Variants in SGCZ observed in about 807,000 individuals in gnomAD.
The protein encoded by SGCZ is sarcoglycan zeta, also known as zeta-sarcoglycan.
In SGCZ, 40 loss-of-function variants were observed where a neutral mutation model predicts 41.3. The ratio of observed to expected loss-of-function variants is 0.97; its 90% confidence interval spans 0.75 to 1.26. The LOEUF is 1.26. Ranked by LOEUF, SGCZ falls within the 50% of genes most tolerant of loss-of-function variation. SGCZ has a pLI of 0.00. For missense variants in SGCZ, 552 were observed against 369.8 expected, an observed-to-expected ratio of 1.49 and a Z score of -4.04; for synonymous variants, 206 against 137.5, an observed-to-expected ratio of 1.50 and a Z score of -3.49.
chr8:14,852,997 C>CTATAT (rs1803390999), intron 1 of SGCZ, among the ~76,000 whole-genome samples: 1 of 152,144 alleles, frequency 6.6e-6, no homozygotes, highest in Non-Finnish European at 1.5e-5. Flanking sequence ...ATGAGGCAGC[C>CTATAT]ACACTTACCA....
chr8:15,221,715 C>T (rs1232197750), intron 1 of SGCZ, among the ~76,000 whole-genome samples: 4 of 152,056 alleles, frequency 2.6e-5, no homozygotes, highest in South Asian at 2.1e-4. Context: ...CGACTCTGCC[C>T]GAAACCTAAG....
At chr8:15,232,367 T>A (rs1801970535) in intron 1 of SGCZ, among the ~76,000 whole-genome samples, 1 of 152,144 alleles carries the variant, frequency 6.6e-6, no homozygotes, top group African/African-American at 2.4e-5. Context: ...ATTGGTAAAC[T>A]CTGGAGATCA....
intron 1 of SGCZ, among the ~76,000 whole-genome samples, chr8:15,211,544 G>A (rs1232242720): frequency 2.0e-5 from 3 of 152,062 alleles, no homozygotes; most frequent in African/African-American, 7.2e-5. Context: ...GTCTCAGATA[G>A]GAACCCCTTC....
chr8:14,659,743 A>G (rs570493676), intron 1 of SGCZ, among the ~76,000 whole-genome samples: 3 of 152,298 alleles, frequency 2.0e-5, no homozygotes, highest in Admixed American at 6.5e-5. Context: ...GCTGATATTG[A>G]TTAAATTGTC....
At chr8:14,252,276 T>C (rs756077249) in intron 3 of SGCZ, among the ~76,000 whole-genome samples, 7 of 152,154 alleles carry the variant, frequency 4.6e-5, no homozygotes, top group Non-Finnish European at 7.4e-5. Flanking sequence ...TTCATTAAAA[T>C]ATTAATTTAT....
chr8:14,657,432 T>G (rs1332166454), intron 1 of SGCZ, among the ~76,000 whole-genome samples: 1 of 152,116 alleles, frequency 6.6e-6, no homozygotes, highest in African/African-American at 2.4e-5. Context: ...ATTTTGACTT[T>G]TTAAAGTATT....
intron 1 of SGCZ, among the ~76,000 whole-genome samples, chr8:15,230,223 T>A (rs1246092244): frequency 1.3e-5 from 2 of 152,008 alleles, no homozygotes; most frequent in East Asian, 3.9e-4. Flanking sequence ...AACCACTACT[T>A]TGCAACAAGA....
intron 1 of SGCZ, among the ~76,000 whole-genome samples, chr8:14,937,622 T>C (rs1476557372): frequency 1.3e-5 from 2 of 152,116 alleles, no homozygotes; most frequent in Non-Finnish European, 2.9e-5. Context: ...GAGGAACCAA[T>C]GCAAAATCTC....
intron 1 of SGCZ, among the ~76,000 whole-genome samples, chr8:14,790,553 G>T (rs1800917564): frequency 6.6e-6 from 1 of 151,884 alleles, no homozygotes; most frequent in East Asian, 1.9e-4. Flanking sequence ...TAGAATGAAT[G>T]ATTCTATAAT....
chr8:15,101,792 T>C (rs747447354), intron 1 of SGCZ, among the ~76,000 whole-genome samples: 1 of 152,194 alleles, frequency 6.6e-6, no homozygotes, highest in African/African-American at 2.4e-5. Context: ...TAGCTGGGCA[T>C]GGTCGTGCAC....
chr8:14,403,217 C>A (rs1458589501), intron 2 of SGCZ, among the ~76,000 whole-genome samples: 1 of 150,110 alleles, frequency 6.7e-6, no homozygotes, highest in East Asian at 1.9e-4. Flanking sequence ...TCTAGATATA[C>A]AATCATGTCG....
intron 1 of SGCZ, among the ~76,000 whole-genome samples, chr8:14,810,004 C>T (rs1183254278): frequency 1.3e-5 from 2 of 151,990 alleles, no homozygotes; most frequent in African/African-American, 4.8e-5. Context: ...ACATTAAACA[C>T]TTGACATATA....
rs1252722714 is a variant in SGCZ at position 14,085,846 on chromosome 8, A to C, written c.*4597T>G. ...TTTACTACCTCATGTTATAATTATAAGCCCCCCTATTCATTTGAATAAATT... is the reference window on the plus strand; with the variant it reads ...TTTACTACCTCATGTTATAATTATACGCCCCCCTATTCATTTGAATAAATT... On this transcript the variant is annotated 3_prime_UTR_variant, in exon 8 of 8. Coordinates refer to ENST00000382080, the MANE Select transcript of SGCZ (RefSeq NM_139167.4). Among the ~76,000 whole-genome samples, 1 of 151,794 alleles carries C rather than the reference A, an allele frequency of 6.6e-6. No homozygotes were observed. Among genetic ancestry groups the C allele is most frequent in the Non-Finnish European group, 1.5e-5 (1 of 67,820 alleles).
chr8:14,751,781 C>G (rs949321443), intron 1 of SGCZ, among the ~76,000 whole-genome samples: 1 of 149,780 alleles, frequency 6.7e-6, no homozygotes, highest in African/African-American at 2.5e-5. Flanking sequence ...ATTTCCTGAC[C>G]TCGTGATCTG....
intron 1 of SGCZ, among the ~76,000 whole-genome samples, chr8:14,836,634 G>C (rs1183492965): frequency 6.6e-6 from 1 of 152,142 alleles, no homozygotes; most frequent in Non-Finnish European, 1.5e-5. Flanking sequence ...AAACAGCTGG[G>C]ATCGCAGGTG....
At chr8:14,315,335 A>G (rs1234045945) in intron 3 of SGCZ, among the ~76,000 whole-genome samples, 1 of 152,150 alleles carries the variant, frequency 6.6e-6, no homozygotes, top group African/African-American at 2.4e-5. Context: ...TTGCCTTGCT[A>G]TAGGTTACCG....
intron 1 of SGCZ, among the ~76,000 whole-genome samples, chr8:14,697,845 T>C (rs1166204845): frequency 6.6e-6 from 1 of 152,036 alleles, no homozygotes; most frequent in Admixed American, 6.6e-5. Flanking sequence ...TCTCAACATT[T>C]GTTCTTTTCA....
intron 1 of SGCZ, among the ~76,000 whole-genome samples, chr8:14,655,941 C>T (rs909961144): frequency 4.8e-4 from 73 of 152,136 alleles, no homozygotes; most frequent in African/African-American, 1.7e-3. Context: ...AGTATTGCTC[C>T]TTTTTATTGC....
At chr8:14,561,419 C>T (rs1249190231) in intron 1 of SGCZ, among the ~76,000 whole-genome samples, 1 of 152,120 alleles carries the variant, frequency 6.6e-6, no homozygotes, top group African/African-American at 2.4e-5. Flanking sequence ...GAGACAATAT[C>T]ATAGTACCAA....
Sources: gnomAD v4.1 joint callset for allele counts (sites outside exome capture counted in the v4.1 genomes callset) on GRCh38, gnomAD v4.1.1 for gene constraint, MANE v1.5 for transcripts, NCBI Gene and HGNC (gene_info 2026-07-23, HGNC 2026-07-21) for gene names.